The following KIAA0586 variants were observed in gnomAD, a reference collection of about 807,000 sequenced individuals.
The protein encoded by KIAA0586 is KIAA0586.
In KIAA0586, 144 loss-of-function variants were observed where a neutral mutation model predicts 169.8. The observed-to-expected ratio is 0.85, with a 90% confidence interval of 0.74 to 0.97. KIAA0586 has a LOEUF of 0.97. KIAA0586 is among the 50% of genes least tolerant of loss of function. The pLI, the probability that KIAA0586 is intolerant of heterozygous loss-of-function variation, is 0.00. For synonymous variants in KIAA0586, 625 were observed against 612.4 expected (o/e 1.02, Z -0.30); for missense variants, 1,854 against 1,823.0 (o/e 1.02, Z -0.31).
chr14:58,443,322 ACT>A (rs1348002932), intron 5 of KIAA0586, among the ~76,000 whole-genome samples: 7 of 152,244 alleles, frequency 4.6e-5, no homozygotes, highest in Non-Finnish European at 1.0e-4. Context: ...TGCTGACCTA[ACT>A]CAGCCTTATG....
chr14:58,496,307 T>A (rs190347528), intron 26 of KIAA0586, among the ~76,000 whole-genome samples: 1 of 152,286 alleles, frequency 6.6e-6, no homozygotes, highest in East Asian at 1.9e-4. Flanking sequence ...ATTTTGTAAA[T>A]AGGCAAGATA....
At chr14:58,427,711 C>A, upstream of KIAA0586, 1 of 1,535,076 alleles carries the variant, frequency 6.5e-7, no homozygotes, top group Non-Finnish European at 8.7e-7. Flanking sequence ...GACCTGCGGG[C>A]AACTGACGCT....
chr14:58,432,013 G>A (rs533987378), intron 3 of KIAA0586, among the ~76,000 whole-genome samples: 4 of 152,302 alleles, frequency 2.6e-5, no homozygotes, highest in African/African-American at 9.6e-5. Flanking sequence ...CATGTCATCA[G>A]TGAACAGAGG....
chr14:58,444,697 T>TA (rs1171776489), intron 6 of KIAA0586, among the ~76,000 whole-genome samples: 1 of 152,100 alleles, frequency 6.6e-6, no homozygotes, highest in Non-Finnish European at 1.5e-5. Flanking sequence ...GTGCTAGAGT[T>TA]ACCTGCGTGA....
chr14:58,463,514 G>A (rs1052586865), intron 14 of KIAA0586, among the ~76,000 whole-genome samples: 3 of 152,078 alleles, frequency 2.0e-5, no homozygotes, highest in Non-Finnish European at 4.4e-5. Context: ...TTTCTTCCTG[G>A]GGTCATAAAC....
chr14:58,429,927 A>T (rs1441765666), intron 2 of KIAA0586, among the ~76,000 whole-genome samples: 3 of 152,190 alleles, frequency 2.0e-5, no homozygotes, highest in Non-Finnish European at 4.4e-5. Context: ...TGTTTTGGTT[A>T]TGAGATCTAA....
chr14:58,470,663 C>T lies in KIAA0586; in HGVS notation c.2493C>T (p.Val831=). ...IDSISNSSAD[V]LSPLSSPKEA... Reference sequence around the variant, plus strand: ...GCATTTCAAATAGTAGTGCTGATGTCCTTTCACCTCTGTCTAGCCCCAAAG... The same window carrying T: ...GCATTTCAAATAGTAGTGCTGATGTTCTTTCACCTCTGTCTAGCCCCAAAG... Residue 831 remains valine, a synonymous_variant, in exon 17 of 31, where the codon GTC becomes GTT. Coordinates refer to ENST00000652326, the MANE Select transcript of KIAA0586 (RefSeq NM_001329943.3). The T allele has an allele frequency of 1.2e-6, 2 of 1,610,334 alleles. No homozygotes were observed. The highest frequency in any genetic ancestry group is 1.7e-6 in the Non-Finnish European group (2 of 1,176,962).
At chr14:58,460,140 TAATG>T (rs1403276199) in intron 13 of KIAA0586, 70 bp downstream of exon 13, 2 of 909,608 alleles carry the variant, frequency 2.2e-6, no homozygotes, top group South Asian at 1.8e-5. Context: ...AAGAGATAAA[TAATG>T]AAGCGAATGT....
intron 18 of KIAA0586, among the ~76,000 whole-genome samples, chr14:58,474,371 G>T (rs2041448484): frequency 6.6e-6 from 1 of 152,178 alleles, no homozygotes. Flanking sequence ...TTTTGTGATT[G>T]CATAAAATGA....
chr14:58,526,798 A>G (rs1410833292), intron 29 of KIAA0586, among the ~76,000 whole-genome samples: 3 of 152,148 alleles, frequency 2.0e-5, no homozygotes, highest in East Asian at 1.9e-4. Flanking sequence ...TATTCCTTCA[A>G]ATTAGCTCTG....
chr14:58,544,042 C>G (rs1566965245), intron 30 of KIAA0586: 1 of 382,434 alleles, frequency 2.6e-6, no homozygotes, highest in Admixed American at 3.3e-5. Flanking sequence ...CAAGTAGATC[C>G]CAGTGTTTGT....
intron 29 of KIAA0586, among the ~76,000 whole-genome samples, chr14:58,514,496 TAGTTTAATATATG>T (rs2044614583): frequency 6.6e-6 from 1 of 152,044 alleles, no homozygotes; most frequent in Non-Finnish European, 1.5e-5. Context: ...AAATGTGTAG[TAGTTTAATATATG>T]TCTATAAAGA....
At chr14:58,512,921 A>G (rs1028976018) in intron 29 of KIAA0586, among the ~76,000 whole-genome samples, 3 of 152,026 alleles carry the variant, frequency 2.0e-5, no homozygotes, top group Admixed American at 6.6e-5. Flanking sequence ...TTTTATCTGT[A>G]TATAGGTCTG....
At chr14:58,487,560 C>T (rs752292955) in intron 22 of KIAA0586, among the ~76,000 whole-genome samples, 3 of 151,506 alleles carry the variant, frequency 2.0e-5, no homozygotes, top group Non-Finnish European at 4.4e-5. Context: ...GAGCCGAGAT[C>T]GCACCATTGC....
chr14:58,448,062 G>A (rs1432675538), intron 6 of KIAA0586, among the ~76,000 whole-genome samples: 3 of 152,164 alleles, frequency 2.0e-5, no homozygotes, highest in Non-Finnish European at 4.4e-5. Flanking sequence ...CCTGAGCCAT[G>A]TCTGTGGTAG....
intron 29 of KIAA0586, among the ~76,000 whole-genome samples, chr14:58,515,160 T>C (rs2044662922): frequency 6.6e-6 from 1 of 152,002 alleles, no homozygotes; most frequent in African/African-American, 2.4e-5. Context: ...GGTAAAATGC[T>C]GTAATAGATT....
chr14:58,438,029 AAT>A (rs1230926665), intron 4 of KIAA0586, among the ~76,000 whole-genome samples: 1 of 152,186 alleles, frequency 6.6e-6, no homozygotes, highest in African/African-American at 2.4e-5. Flanking sequence ...GCTCCGAGGT[AAT>A]GGAAGCTAAG....
intron 29 of KIAA0586, among the ~76,000 whole-genome samples, chr14:58,516,032 G>C (rs937133577): frequency 3.3e-5 from 5 of 152,138 alleles, no homozygotes; most frequent in African/African-American, 1.2e-4. Context: ...TGTCTCACTT[G>C]TGACAGAGCA....
At chr14:58,547,703 A>G in intron 30 of KIAA0586, 78 bp from the exon 31 acceptor site, 3 of 768,626 alleles carry the variant, frequency 3.9e-6, no homozygotes, top group South Asian at 3.2e-5. Context: ...CCCCAACCTC[A>G]TATTATTTCG....
Sources: gnomAD v4.1 joint callset for allele counts (sites outside exome capture counted in the v4.1 genomes callset) on GRCh38, gnomAD v4.1.1 for gene constraint, MANE v1.5 for transcripts, NCBI Gene and HGNC (gene_info 2026-07-23, HGNC 2026-07-21) for gene names.